Variants in DOCK7 observed in about 807,000 individuals in gnomAD.
DOCK7 encodes dedicator of cytokinesis protein 7.
In DOCK7, 138 loss-of-function variants were observed where a neutral mutation model predicts 271.0. That is an observed-to-expected ratio of 0.51 (90% CI 0.44 to 0.59). DOCK7 has a LOEUF of 0.59. DOCK7 is among the 20% of genes least tolerant of loss of function. The pLI, the probability that DOCK7 is intolerant of heterozygous loss-of-function variation, is 0.00. For synonymous variants in DOCK7, 823 were observed against 876.1 expected, an observed-to-expected ratio of 0.94 and a Z score of 1.07; for missense variants, 2,066 against 2,592.4, an observed-to-expected ratio of 0.80 and a Z score of 4.41.
At chr1:62,479,276 C>A (rs1646050082) in intron 43 of DOCK7, among the ~76,000 whole-genome samples, 1 of 150,862 alleles carries the variant, frequency 6.6e-6, no homozygotes, top group African/African-American at 2.4e-5. Context: ...TTTATAATAC[C>A]AAAAAAAAAG....
chr1:62,675,977 C>T (rs746778322), intron 1 of DOCK7, among the ~76,000 whole-genome samples: 3 of 152,112 alleles, frequency 2.0e-5, no homozygotes, highest in East Asian at 1.9e-4. Flanking sequence ...GGAACAGTTT[C>T]GCAGATCCTC....
intron 31 of DOCK7, among the ~76,000 whole-genome samples, chr1:62,519,742 C>T (rs1055999310): frequency 2.0e-5 from 3 of 151,926 alleles, no homozygotes; most frequent in Non-Finnish European, 4.4e-5. Context: ...TAAGAGAATG[C>T]AACTAAGTTG....
chr1:62,578,362 A>AT (rs1647000801), intron 17 of DOCK7, among the ~76,000 whole-genome samples: 1 of 152,150 alleles, frequency 6.6e-6, no homozygotes, highest in Non-Finnish European at 1.5e-5. Flanking sequence ...TTTTCTTGTT[A>AT]TAATGGCTCT....
chr1:62,650,284 C>T (rs377369943), intron 4 of DOCK7, among the ~76,000 whole-genome samples: 74 of 152,052 alleles, frequency 4.9e-4, no homozygotes, highest in Non-Finnish European at 5.6e-4. Flanking sequence ...GAGTTGGTTT[C>T]GTTCACTGCT....
In DOCK7 at chr1:62,468,234, G is replaced by A. The variant is rs548845111; in HGVS notation, c.6212+5748C>T. ...AAATTAGCCAGGCGTGGTGGCAGGC[G>A]CCTGTAATCCCAGCAACTCAGGAAA... On this transcript the variant is annotated intron_variant, in intron 48 of 49. Coordinates refer to ENST00000635253, the MANE Select transcript of DOCK7 (RefSeq NM_001367561.1). 2.1e-3 allele frequency among the ~76,000 whole-genome samples: 324 copies of A among 151,868 alleles called. 2 individuals are homozygous for A. The highest frequency in any genetic ancestry group is 7.4e-3 in the African/African-American group (306 of 41,412).
At chr1:62,554,878 T>C (rs1483724206) in intron 21 of DOCK7, among the ~76,000 whole-genome samples, 1 of 152,200 alleles carries the variant, frequency 6.6e-6, no homozygotes, top group Non-Finnish European at 1.5e-5. Context: ...CTTTTTGCAA[T>C]TAAGTAAAGA....
chr1:62,639,503 C>T (rs968150188), intron 7 of DOCK7, among the ~76,000 whole-genome samples: 3 of 130,554 alleles, frequency 2.3e-5, no homozygotes, highest in Admixed American at 9.2e-5. Context: ...GGCTCGATCT[C>T]GGCTCACTGC....
At chr1:62,667,401 C>T (rs1402179270) in intron 1 of DOCK7, among the ~76,000 whole-genome samples, 1 of 152,126 alleles carries the variant, frequency 6.6e-6, no homozygotes, top group African/African-American at 2.4e-5. Flanking sequence ...AAAGGACTAG[C>T]TAAAAATCCC....
chr1:62,684,068 C>T (rs2769487), intron 1 of DOCK7, among the ~76,000 whole-genome samples: 146,715 of 152,140 alleles, frequency 0.96, 70,998 homozygotes, highest in East Asian at 1. Context: ...GGTGAAATCC[C>T]GTCACTACTA....
Position 62,648,153 on chromosome 1 carries a change from AT to A in DOCK7, c.684del (p.Lys228AsnfsTer21). 1 of 1,613,436 alleles carries A rather than the reference AT, an allele frequency of 6.2e-7. No homozygotes were observed. The highest frequency in any genetic ancestry group is 8.5e-7 in the Non-Finnish European group (1 of 1,179,676). On this transcript the variant is annotated frameshift_variant, in exon 6 of 50. Transcript: ENST00000635253. LOFTEE classifies it high-confidence loss of function. Reference sequence around the variant, plus strand: ...GCAAAAAGTTCTTTGTGACGGTTTGATTTCCTTTGGTCATCATTCTGACGGT... The same window carrying A: ...GCAAAAAGTTCTTTGTGACGGTTTGATTCCTTTGGTCATCATTCTGACGGT... ...EIDRQNDDQR[K>X]SNRHKELFAL...
At chr1:62,513,924 G>C in intron 31 of DOCK7, 26 bp from the exon 32 acceptor site, 1 of 1,583,408 alleles carries the variant, frequency 6.3e-7, no homozygotes, top group Non-Finnish European at 8.6e-7. Flanking sequence ...AGTAGAATGA[G>C]ACAGATTGAT....
chr1:62,591,335 CAGGGGTCTACCTGAGA>C (rs1429187298), intron 14 of DOCK7, among the ~76,000 whole-genome samples: 7 of 151,994 alleles, frequency 4.6e-5, no homozygotes, highest in Non-Finnish European at 1.0e-4. Flanking sequence ...AAAACAGACA[CAGGGGTCTACCTGAGA>C]AGGGAGGGTG....
intron 48 of DOCK7, among the ~76,000 whole-genome samples, chr1:62,467,740 T>C (rs560633679): frequency 6.6e-6 from 1 of 152,054 alleles, no homozygotes; most frequent in African/African-American, 2.4e-5. Flanking sequence ...AGATAATCCT[T>C]CCTAAATCAT....
At chr1:62,507,898 A>T in intron 35 of DOCK7, 64 bp downstream of exon 35, 1 of 1,465,332 alleles carries the variant, frequency 6.8e-7, no homozygotes, top group Non-Finnish European at 9.4e-7. Flanking sequence ...CACAGTAAAC[A>T]CTTTTCCCTC....
rs561445289 is a variant in DOCK7 at position 62,569,957 on chromosome 1, G to T, written c.2112+7305C>A. Among the ~76,000 whole-genome samples, 87 of 152,184 alleles carry T rather than the reference G, an allele frequency of 5.7e-4. 1 individual carries two copies. Among genetic ancestry groups the T allele is most frequent in the African/African-American group, 2.0e-3 (82 of 41,506 alleles). On this transcript the variant is annotated intron_variant, in intron 18 of 49. Transcript: ENST00000635253. ...TTGAACTTCTGATCTCAAGTGATTT[G>T]CCTGCCTTGGCCTCCTAAAGTGCTG...
intron 48 of DOCK7, among the ~76,000 whole-genome samples, chr1:62,463,508 C>T (rs920430740): frequency 6.6e-5 from 10 of 152,102 alleles, no homozygotes; most frequent in Non-Finnish European, 1.0e-4. Context: ...ATAAGGTAGA[C>T]GGATATTTGA....
intron 15 of DOCK7, chr1:62,584,352 A>G (rs893533057): frequency 2.0e-6 from 2 of 985,982 alleles, no homozygotes; most frequent in East Asian, 1.1e-4. Context: ...TTACAATTTT[A>G]TCATGTCAAT....
chr1:62,622,916 C>A (rs887135302), intron 12 of DOCK7, among the ~76,000 whole-genome samples: 1 of 151,872 alleles, frequency 6.6e-6, no homozygotes, highest in South Asian at 2.1e-4. Context: ...GGTGAGAGAG[C>A]AAGACTCAAA....
intron 44 of DOCK7, 30 bp from the exon 45 acceptor site, chr1:62,476,186 T>A (rs560383192): frequency 6.3e-7 from 1 of 1,590,808 alleles, no homozygotes; most frequent in Admixed American, 1.8e-5. Flanking sequence ...ACATTTTATA[T>A]GAAGTTAAAA....
Sources: allele counts gnomAD v4.1 joint callset (sites outside exome capture counted in the v4.1 genomes callset), GRCh38; gene constraint gnomAD v4.1.1; transcripts MANE v1.5; gene names NCBI Gene and HGNC (gene_info 2026-07-23, HGNC 2026-07-21).